The following CNIH3 variants were observed in gnomAD, a reference collection of about 807,000 sequenced individuals.
CNIH3 encodes cornichon family AMPA receptor auxiliary protein 3.
CNIH3 carries 14 observed loss-of-function variants against 24.1 expected under a neutral mutation model. That is an observed-to-expected ratio of 0.58 (90% CI 0.38 to 0.91). The LOEUF (loss-of-function observed/expected upper bound fraction) is 0.91. CNIH3 is among the 40% of genes least tolerant of loss of function. CNIH3 has a pLI of 0.00. For missense variants in CNIH3, 178 were observed against 196.8 expected (o/e 0.90, Z 0.57); for synonymous variants, 68 against 73.8 (o/e 0.92, Z 0.40).
intron 3 of CNIH3, among the ~76,000 whole-genome samples, chr1:224,562,527 C>A (rs577703528): frequency 6.6e-6 from 1 of 152,112 alleles, no homozygotes; most frequent in African/African-American, 2.4e-5. Context: ...GGGATGGTGA[C>A]TGATATAGTT....
chr1:224,705,633 C>T (rs1558314348), intron 3 of CNIH3, among the ~76,000 whole-genome samples: 2 of 152,086 alleles, frequency 1.3e-5, no homozygotes, highest in African/African-American at 2.4e-5. Flanking sequence ...CACAGAGGAC[C>T]GTGAAGGGAG....
intron 1 of CNIH3, among the ~76,000 whole-genome samples, chr1:224,498,410 A>C (rs997433198): frequency 6.6e-5 from 10 of 152,174 alleles, no homozygotes; most frequent in African/African-American, 2.4e-4. Flanking sequence ...AGTAACCAGT[A>C]AAGTCAAAAG....
In CNIH3 at chr1:224,704,852, G is replaced by A. The variant is rs941918019; in HGVS notation, c.198+20009G>A. ...GCACCAGGCACAGTGGCTCATGCCTGTAATCCCAGCACTTTGGGAGACTGA... is the reference window on the plus strand; with the variant it reads ...GCACCAGGCACAGTGGCTCATGCCTATAATCCCAGCACTTTGGGAGACTGA... On this transcript the variant is annotated intron_variant, in intron 3 of 5. Coordinates refer to ENST00000272133, the MANE Select transcript of CNIH3 (RefSeq NM_152495.2). This position sits in a 1 kb window ranked among gnomAD's most constrained non-coding sequence, Gnocchi z 4.2. Among the ~76,000 whole-genome samples, 3 of 152,150 alleles carry A rather than the reference G, an allele frequency of 2.0e-5. No individual in the cohort carries two copies. The highest frequency in any genetic ancestry group is 4.4e-5 in the Non-Finnish European group (3 of 68,036).
At chr1:224,477,594 T>G (rs1486845720) in intron 1 of CNIH3, among the ~76,000 whole-genome samples, 2 of 152,260 alleles carry the variant, frequency 1.3e-5, no homozygotes, top group African/African-American at 4.8e-5. Context: ...CTTATTGTTG[T>G]TTATATTTTA....
intron 1 of CNIH3, among the ~76,000 whole-genome samples, chr1:224,667,771 A>G (rs1489693004): frequency 4.6e-5 from 7 of 150,596 alleles, no homozygotes; most frequent in Non-Finnish European, 1.0e-4. Flanking sequence ...AAAAAAACCC[A>G]TGACTACAAT....
chr1:224,443,499 C>G (rs1185409098), intron 1 of CNIH3, among the ~76,000 whole-genome samples: 1 of 152,004 alleles, frequency 6.6e-6, no homozygotes, highest in Non-Finnish European at 1.5e-5. Flanking sequence ...ATAGCATAAG[C>G]TTAATATCGA....
At chr1:224,455,042 A>G (rs1449861062) in intron 1 of CNIH3, among the ~76,000 whole-genome samples, 1 of 152,160 alleles carries the variant, frequency 6.6e-6, no homozygotes, top group Non-Finnish European at 1.5e-5. Context: ...AATCCACCTA[A>G]CCTACAGAAC....
chr1:224,556,540 T>C (rs1037205156), intron 3 of CNIH3, among the ~76,000 whole-genome samples: 6 of 152,192 alleles, frequency 3.9e-5, no homozygotes, highest in Non-Finnish European at 8.8e-5. Context: ...ACTGGTTTCA[T>C]GGAAGATAAT....
chr1:224,657,634 T>C (rs1278917501), intron 1 of CNIH3, among the ~76,000 whole-genome samples: 1 of 152,232 alleles, frequency 6.6e-6, no homozygotes, highest in African/African-American at 2.4e-5. Flanking sequence ...CTGCTTGATA[T>C]TGGGCCAGCA....
intron 1 of CNIH3, among the ~76,000 whole-genome samples, chr1:224,471,018 C>T (rs1248813180): frequency 6.6e-6 from 1 of 152,048 alleles, no homozygotes; most frequent in Non-Finnish European, 1.5e-5. Flanking sequence ...ATAGTCACCT[C>T]GTTGTGCTAG....
At chr1:224,730,202 G>T (rs923051074) in intron 3 of CNIH3, 2 of 359,796 alleles carry the variant, frequency 5.6e-6, no homozygotes, top group Non-Finnish European at 1.0e-5. Flanking sequence ...AGGAGCAAGC[G>T]TGGTATTCTG....
At chr1:224,579,067 C>CTTTTTTTTTTT (rs60330387) in intron 4 of CNIH3, among the ~76,000 whole-genome samples, 12 of 138,890 alleles carry the variant, frequency 8.6e-5, no homozygotes, top group East Asian at 6.4e-4. Context: ...TTTCTTTTTT[C>CTTTTTTTTTTT]TTTTTTTTTT....
chr1:224,590,902 A>G (rs978900568), downstream of CNIH3, among the ~76,000 whole-genome samples: 3 of 149,280 alleles, frequency 2.0e-5, no homozygotes, highest in African/African-American at 7.4e-5. Context: ...TCATTTGTAC[A>G]TTCCTTTTTC....
At chr1:224,585,315 G>A (rs554545334) in intron 5 of CNIH3, among the ~76,000 whole-genome samples, 57 of 152,122 alleles carry the variant, frequency 3.7e-4, no homozygotes, top group Non-Finnish European at 7.1e-4. Context: ...CTCAACATAC[G>A]TAATGAGCAT....
chr1:224,582,270 T>C (rs538884065), intron 4 of CNIH3, among the ~76,000 whole-genome samples: 2 of 152,330 alleles, frequency 1.3e-5, no homozygotes, highest in East Asian at 3.9e-4. Flanking sequence ...TAGCCACAGA[T>C]GGCCAGTTCT....
chr1:224,668,507 A>G (rs1162731475), intron 1 of CNIH3, among the ~76,000 whole-genome samples: 5 of 152,178 alleles, frequency 3.3e-5, no homozygotes, highest in South Asian at 4.1e-4. Flanking sequence ...ATTTTTAGGA[A>G]TGAGTAATGA....
intron 4 of CNIH3, among the ~76,000 whole-genome samples, chr1:224,731,267 A>T (rs1689311362): frequency 6.6e-6 from 1 of 152,108 alleles, no homozygotes; most frequent in South Asian, 2.1e-4. Context: ...ATGGTATGTA[A>T]ATTATATCTT....
At chr1:224,729,849 C>T (rs1450045843) in intron 3 of CNIH3, among the ~76,000 whole-genome samples, 1 of 152,126 alleles carries the variant, frequency 6.6e-6, no homozygotes, top group East Asian at 1.9e-4. Flanking sequence ...TCAGTTTCTT[C>T]CCTCTTCCCC....
At chr1:224,524,096 C>T (rs545442755) in intron 2 of CNIH3, among the ~76,000 whole-genome samples, 3 of 152,190 alleles carry the variant, frequency 2.0e-5, no homozygotes, top group Non-Finnish European at 4.4e-5. Flanking sequence ...TTAAAAAGGG[C>T]CTCTGGTCAG....
Sources: gnomAD v4.1 joint callset for allele counts (sites outside exome capture counted in the v4.1 genomes callset) on GRCh38, gnomAD v4.1.1 for gene constraint, Gnocchi (gnomAD v3.1) non-coding constraint, MANE v1.5 for transcripts, NCBI Gene and HGNC (gene_info 2026-07-23, HGNC 2026-07-21) for gene names.